The following HORMAD2 variants were observed in gnomAD, a reference collection of about 807,000 sequenced individuals.
The protein encoded by HORMAD2 is HORMA domain containing 2, also known as HORMA domain-containing protein 2.
HORMAD2 carries 45 observed loss-of-function variants against 38.8 expected under a neutral mutation model. The observed-to-expected ratio is 1.16, with a 90% confidence interval of 0.91 to 1.49. HORMAD2 has a LOEUF of 1.49. Among genes scored for constraint, HORMAD2 ranks in the 40% most tolerant of loss-of-function variants. HORMAD2 has a pLI of 0.00. For missense variants in HORMAD2, 338 were observed against 367.0 expected (o/e 0.92, Z 0.65); for synonymous variants, 126 against 122.8 (o/e 1.03, Z -0.17).
chr22:30,149,423 A>G (rs1924613739), intron 10 of HORMAD2, among the ~76,000 whole-genome samples: 1 of 152,232 alleles, frequency 6.6e-6, no homozygotes, highest in African/African-American at 2.4e-5. Flanking sequence ...GCTAGTGGCT[A>G]CTGTATTGGA....
At chr22:30,202,810 G>A in the HORMAD2 span, among the ~76,000 whole-genome samples, 1,962 of 152,266 alleles carry the variant, frequency 0.013, 46 homozygotes, top group African/African-American at 0.046. Flanking sequence ...GTTTTCAGCC[G>A]AACCAGACCC....
chr22:30,195,146 T>C, the HORMAD2 span, among the ~76,000 whole-genome samples: 1 of 149,568 alleles, frequency 6.7e-6, no homozygotes, highest in African/African-American at 2.5e-5. Flanking sequence ...TGAGCTGAGA[T>C]TGCGCCATTG....
chr22:30,082,805 A>AAAAAG (rs1555936221), intron 1 of HORMAD2, among the ~76,000 whole-genome samples: 5 of 151,616 alleles, frequency 3.3e-5, no homozygotes, highest in Non-Finnish European at 7.4e-5. Context: ...CAAAAAAAAA[A>AAAAAG]AAAAGAAAAG....
At chr22:30,155,701 C>T (rs1374876679) in intron 10 of HORMAD2, among the ~76,000 whole-genome samples, 2 of 152,088 alleles carry the variant, frequency 1.3e-5, no homozygotes, top group Non-Finnish European at 2.9e-5. Context: ...TATATGAAAA[C>T]CCATGATTTC....
the HORMAD2 span, among the ~76,000 whole-genome samples, chr22:30,198,914 C>G: frequency 6.6e-6 from 1 of 152,188 alleles, no homozygotes; most frequent in African/African-American, 2.4e-5. Flanking sequence ...GCTTGGCTGG[C>G]CCCTTCCTCA....
At chr22:30,111,054 G>A (rs1325761591) in intron 5 of HORMAD2, among the ~76,000 whole-genome samples, 1 of 151,302 alleles carries the variant, frequency 6.6e-6, no homozygotes, top group Admixed American at 6.6e-5. Context: ...TACTCAGGAG[G>A]CTGAGGCAGG....
At chr22:30,121,857 T>A in intron 9 of HORMAD2, 68 bp downstream of exon 9, 1 of 1,545,470 alleles carries the variant, frequency 6.5e-7, no homozygotes, top group Admixed American at 2.1e-5. Flanking sequence ...AGTAAAAGGA[T>A]TTTGCAGGCA....
At chr22:30,136,617 C>CTT (rs58205669) in intron 10 of HORMAD2, 14,391 of 147,354 alleles carry the variant, frequency 0.098, 694 homozygotes, top group Middle Eastern at 0.13. Flanking sequence ...TTTTCTTCTT[C>CTT]TTTTTTTTTT....
In HORMAD2 at chr22:30,128,769, G is replaced by C. The variant is rs952647349; in HGVS notation, c.819+6555G>C. Among the ~76,000 whole-genome samples, 3 of 152,318 alleles carry C rather than the reference G, an allele frequency of 2.0e-5. No homozygotes were observed. The East Asian group carries it at 5.8e-4, about 29-fold the overall frequency. The stretch of plus-strand genomic sequence containing the variant: ...CTCCAGTGTCACCAGCTGTGCTCAA[G>C]TGCAGATATACACGTGTGTTCAAGA... On this transcript the variant is annotated intron_variant, in intron 10 of 10. Coordinates refer to ENST00000336726, the MANE Select transcript of HORMAD2 (RefSeq NM_152510.4).
chr22:30,149,192 A>G (rs2146196036), intron 10 of HORMAD2, among the ~76,000 whole-genome samples: 1 of 152,206 alleles, frequency 6.6e-6, no homozygotes, highest in South Asian at 2.1e-4. Context: ...TTCTTGTACA[A>G]ATTTTTGTTT....
intron 10 of HORMAD2, among the ~76,000 whole-genome samples, chr22:30,166,677 A>G (rs1925803807): frequency 6.6e-6 from 1 of 152,222 alleles, no homozygotes; most frequent in Non-Finnish European, 1.5e-5. Flanking sequence ...TAAAAATCCA[A>G]TCCAAGTATA....
At chr22:30,101,998 G>C (rs528375830) in intron 3 of HORMAD2, among the ~76,000 whole-genome samples, 1 of 152,136 alleles carries the variant, frequency 6.6e-6, no homozygotes, top group East Asian at 1.9e-4. Flanking sequence ...AGCCTGGGGG[G>C]TTAAGGCTAC....
chr22:30,110,886 A>T (rs934523781), intron 5 of HORMAD2, among the ~76,000 whole-genome samples: 11 of 151,508 alleles, frequency 7.3e-5, no homozygotes, highest in Non-Finnish European at 1.6e-4. Context: ...GGGCCAGGGC[A>T]GTGGTTCACG....
intron 7 of HORMAD2, among the ~76,000 whole-genome samples, chr22:30,114,130 G>T (rs1921865698): frequency 6.6e-6 from 1 of 152,120 alleles, no homozygotes; most frequent in Admixed American, 6.5e-5. Flanking sequence ...TACAGAGTGG[G>T]AAGAAATGCA....
intron 10 of HORMAD2, among the ~76,000 whole-genome samples, chr22:30,139,741 T>C (rs1269985844): frequency 6.6e-6 from 1 of 152,184 alleles, no homozygotes; most frequent in Non-Finnish European, 1.5e-5. Flanking sequence ...TTTGTTATGT[T>C]GAAGAAGTTC....
the HORMAD2 span, among the ~76,000 whole-genome samples, chr22:30,189,853 A>G: frequency 6.6e-6 from 1 of 151,936 alleles, no homozygotes. Flanking sequence ...CTCTCACACC[A>G]TGCCTCCCAT....
At chr22:30,201,697 T>C in the HORMAD2 span, among the ~76,000 whole-genome samples, 6 of 152,264 alleles carry the variant, frequency 3.9e-5, no homozygotes, top group Non-Finnish European at 4.4e-5. Flanking sequence ...ATTACAGGCG[T>C]GAGCCACCGT....
intron 6 of HORMAD2, 100 bp downstream of exon 6, chr22:30,111,916 T>TG: frequency 2.4e-6 from 1 of 412,806 alleles, no homozygotes; most frequent in South Asian, 4.7e-5. Context: ...CCTCCCTGAC[T>TG]TTTTTTTTTT....
rs536497008 is a variant in HORMAD2 at position 30,171,802 on chromosome 22, A to AT, written c.820-4254dup. 5.9e-5 allele frequency among the ~76,000 whole-genome samples: 9 copies of AT among 152,240 alleles called. No individual in the cohort carries two copies. The East Asian group carries it at 1.3e-3, about 23-fold the overall frequency. On this transcript the variant is annotated intron_variant, in intron 10 of 10. Coordinates refer to ENST00000336726, the MANE Select transcript of HORMAD2 (RefSeq NM_152510.4). ...TGGAGAGAATTTCTCTGAGGAAATA[A>AT]TTTTTTTAATCTGGGATCTGAAGAA...
Sources: gnomAD v4.1 joint callset for allele counts (sites outside exome capture counted in the v4.1 genomes callset) on GRCh38, gnomAD v4.1.1 for gene constraint, MANE v1.5 for transcripts, NCBI Gene and HGNC (gene_info 2026-07-23, HGNC 2026-07-21) for gene names.